The following PKN2 variants were observed in gnomAD, a reference collection of about 807,000 sequenced individuals.
PKN2 encodes the protein protein kinase N2, also known as serine/threonine-protein kinase N2.
PKN2 carries 38 observed loss-of-function variants against 119.1 expected under a neutral mutation model. The observed-to-expected ratio is 0.32, with a 90% confidence interval of 0.25 to 0.42. The LOEUF is 0.42. Ranked by LOEUF, PKN2 falls within the 10% of genes least tolerant of loss-of-function variation. PKN2 has a pLI of 1.00. For missense variants in PKN2, 850 were observed against 1,165.1 expected, an observed-to-expected ratio of 0.73 and a Z score of 3.94; for synonymous variants, 390 against 384.9, an observed-to-expected ratio of 1.01 and a Z score of -0.15.
At chr1:88,730,081 C>T (rs376652992) in intron 1 of PKN2, among the ~76,000 whole-genome samples, 3 of 151,912 alleles carry the variant, frequency 2.0e-5, no homozygotes, top group East Asian at 3.9e-4. Flanking sequence ...AGGAGAATGA[C>T]GTAAACCCGG....
chr1:88,732,911 TACC>T (rs1668198627), intron 1 of PKN2, among the ~76,000 whole-genome samples: 1 of 152,046 alleles, frequency 6.6e-6, no homozygotes, highest in African/African-American at 2.4e-5. Context: ...GAAAGACAAA[TACC>T]ACATGATCTC....
chr1:88,776,918 T>C (rs1254976929), intron 6 of PKN2, among the ~76,000 whole-genome samples: 1 of 152,222 alleles, frequency 6.6e-6, no homozygotes, highest in Non-Finnish European at 1.5e-5. Flanking sequence ...GTGGATCTTT[T>C]TGAATTTATT....
intron 3 of PKN2, among the ~76,000 whole-genome samples, chr1:88,767,655 G>A (rs1004364023): frequency 2.0e-5 from 3 of 152,144 alleles, no homozygotes; most frequent in South Asian, 2.1e-4. Context: ...TATGTAGTCC[G>A]TTGTTGACCT....
At chr1:88,759,147 G>A (rs747465189) in intron 2 of PKN2, among the ~76,000 whole-genome samples, 3 of 152,202 alleles carry the variant, frequency 2.0e-5, no homozygotes, top group African/African-American at 7.2e-5. Context: ...GGCAGATCAC[G>A]AGGTCAGGAG....
rs1259170448 is a variant in PKN2, at chr1:88,836,114, T to C, written c.*2666T>C. 2.0e-5 allele frequency: 3 copies of C among 151,946 alleles called. No individual in the cohort carries two copies. The highest frequency in any genetic ancestry group is 2.9e-5 in the Non-Finnish European group (2 of 67,952). The allele number at this position is 151,946 out of a possible 1,614,324, so 9.4% of individuals were successfully genotyped here. On this transcript the variant is annotated 3_prime_UTR_variant, in exon 22 of 22. Coordinates refer to ENST00000370521, the MANE Select transcript of PKN2 (RefSeq NM_006256.4). ...AGTTTTTTTTTTTAAAGCAACAAAATGTTGATGAATGAAGAACAGCCTGTT... is the reference window on the plus strand; with the variant it reads ...AGTTTTTTTTTTTAAAGCAACAAAACGTTGATGAATGAAGAACAGCCTGTT...
chr1:88,830,537 A>G (rs1043576914), intron 19 of PKN2, among the ~76,000 whole-genome samples: 1 of 152,056 alleles, frequency 6.6e-6, no homozygotes, highest in African/African-American at 2.4e-5. Context: ...GATTTATGAG[A>G]TTCAATTATG....
intron 8 of PKN2, among the ~76,000 whole-genome samples, chr1:88,791,558 G>T (rs1048319009): frequency 3.3e-5 from 5 of 152,092 alleles, no homozygotes; most frequent in Admixed American, 6.5e-5. Context: ...TTGAGAGTAT[G>T]GCTGGGTATG....
At chr1:88,770,250 G>A (rs1669831306) in intron 3 of PKN2, 102 bp from the exon 4 acceptor site, 1 of 645,854 alleles carries the variant, frequency 1.5e-6, no homozygotes, top group Admixed American at 2.6e-5. Context: ...TTTTAACTCT[G>A]TTTTTCACTT....
chr1:88,761,836 T>TA (rs1669456824), intron 3 of PKN2, among the ~76,000 whole-genome samples: 1 of 152,150 alleles, frequency 6.6e-6, no homozygotes, highest in Non-Finnish European at 1.5e-5. Flanking sequence ...TATTGGATGA[T>TA]AGAGTTATTT....
chr1:88,824,819 A>C (rs1020168912), intron 18 of PKN2, among the ~76,000 whole-genome samples: 1 of 152,372 alleles, frequency 6.6e-6, no homozygotes, highest in African/African-American at 2.4e-5. Flanking sequence ...GTAAATAAGT[A>C]AATTGGGGAA....
At chr1:88,718,305 C>T (rs1457727545) in intron 1 of PKN2, among the ~76,000 whole-genome samples, 1 of 152,198 alleles carries the variant, frequency 6.6e-6, no homozygotes, top group African/African-American at 2.4e-5. Flanking sequence ...TCTGTCCGTT[C>T]TCAGATCTCA....
Position 88,833,420 on chromosome 1 carries a change from A to C in PKN2, c.2927A>C (p.Asp976Ala), listed in dbSNP as rs771669324. The C allele has an allele frequency of 1.8e-5, 29 of 1,613,160 alleles. No homozygotes were observed. The South Asian group carries it at 3.2e-4, about 18-fold the overall frequency. ...LSEEEQEMFR[D>A]FDYIADWC ...GAAGAGGAGCAGGAAATGTTCAGAG[A>C]TTTTGACTACATTGCTGATTGGTGT... The change falls in exon 22 of 22, where the codon GAT becomes GCT. Residue 976 changes from aspartate to alanine, a missense_variant. Around this residue, in one of 9 missense-constraint regions of PKN2, gnomAD observed 52 missense variants for 39.9 expected, o/e 1.30. Coordinates refer to ENST00000370521, the MANE Select transcript of PKN2 (RefSeq NM_006256.4).
At chr1:88,730,053 T>G (rs1668078694) in intron 1 of PKN2, among the ~76,000 whole-genome samples, 1 of 151,758 alleles carries the variant, frequency 6.6e-6, no homozygotes, top group African/African-American at 2.4e-5. Context: ...TAGTCCCAGC[T>G]ACTCCGGAGG....
At chr1:88,809,766 A>G (rs1259840413) in intron 15 of PKN2, among the ~76,000 whole-genome samples, 1 of 152,110 alleles carries the variant, frequency 6.6e-6, no homozygotes, top group Non-Finnish European at 1.5e-5. Context: ...ACAGGTGCAT[A>G]CAACTGATCC....
rs920691379 is a variant in PKN2 at position 88,744,792 on chromosome 1, A to C, written c.349+3504A>C. Reference sequence around the variant, plus strand: ...TCAGTTTCTTGTTTGTAAAATAAGGATTTTTATCAGATGAACTTTTAAACT... The same window carrying C: ...TCAGTTTCTTGTTTGTAAAATAAGGCTTTTTATCAGATGAACTTTTAAACT... On this transcript the variant is annotated intron_variant, in intron 2 of 21. Transcript: ENST00000370521. Among the ~76,000 whole-genome samples, 3 of 152,212 alleles carry C rather than the reference A, an allele frequency of 2.0e-5. No homozygotes were observed. In the East Asian group the frequency reaches 5.8e-4, roughly 29 times the overall value.
At chr1:88,774,674 C>T (rs560422850) in intron 6 of PKN2, among the ~76,000 whole-genome samples, 1 of 151,250 alleles carries the variant, frequency 6.6e-6, no homozygotes, top group Non-Finnish European at 1.5e-5. Flanking sequence ...CTAGTACTAC[C>T]TTCTTTTGGT....
At chr1:88,694,059 ATGT>A (rs1666431593) in intron 1 of PKN2, among the ~76,000 whole-genome samples, 1 of 152,188 alleles carries the variant, frequency 6.6e-6, no homozygotes, top group Non-Finnish European at 1.5e-5. Flanking sequence ...GTCCCTACAT[ATGT>A]ACATATGCAT....
At chr1:88,688,328 G>T (rs1366946340) in intron 1 of PKN2, among the ~76,000 whole-genome samples, 1 of 152,072 alleles carries the variant, frequency 6.6e-6, no homozygotes, top group African/African-American at 2.4e-5. Context: ...CTCGTGATTC[G>T]CTTGCCTCGG....
intron 2 of PKN2, 45 bp downstream of exon 2, chr1:88,741,333 A>G: frequency 1.6e-6 from 2 of 1,216,270 alleles, no homozygotes; most frequent in Non-Finnish European, 2.2e-6. Context: ...TATTAATAAA[A>G]AAAATGTATC....
Sources: gnomAD v4.1 joint callset for allele counts (sites outside exome capture counted in the v4.1 genomes callset) on GRCh38, gnomAD v4.1.1 for gene constraint, gnomAD v4.1.1 regional missense constraint, MANE v1.5 for transcripts, NCBI Gene and HGNC (gene_info 2026-07-23, HGNC 2026-07-21) for gene names.